The following ECD variants were observed in gnomAD, a reference collection of about 807,000 sequenced individuals.
ECD encodes ecdysoneless cell cycle regulator, also known as protein ecdysoneless homolog.
ECD carries 59 observed loss-of-function variants against 77.2 expected under a neutral mutation model. The ratio of observed to expected loss-of-function variants is 0.76; its 90% confidence interval spans 0.62 to 0.95. The LOEUF (loss-of-function observed/expected upper bound fraction) is 0.95. Among genes scored for constraint, ECD ranks in the 40% least tolerant of loss-of-function variants. The pLI is 0.00. For missense variants in ECD, 704 were observed against 763.4 expected (o/e 0.92, Z 0.92); for synonymous variants, 233 against 267.4 (o/e 0.87, Z 1.26).
intron 3 of ECD, among the ~76,000 whole-genome samples, chr10:73,157,860 T>C (rs1030309309): frequency 1.3e-5 from 2 of 152,130 alleles, no homozygotes; most frequent in African/African-American, 4.8e-5. Flanking sequence ...TAGAAATATA[T>C]ACTTGTATTT....
rs1451060729 is a variant in ECD, at chr10:73,134,760, C to G, written c.1758G>C (p.Thr586=). The change falls in exon 14 of 14, where the codon ACG becomes ACC. Residue 586 remains threonine (T), a synonymous_variant. Transcript: ENST00000372979. The part of the protein sequence containing the change: ...DNNSDEEDSG[T]GESVMAPVDV... ...CTACTGGTGCCATAACAGATTCTCC[C>G]GTACCAGAATCTTCCTCATCTGAAT... 2.5e-6 allele frequency: 4 copies of G among 1,613,984 alleles called. No homozygotes were observed. The South Asian group carries it at 4.4e-5, about 18-fold the overall frequency.
intron 9 of ECD, among the ~76,000 whole-genome samples, chr10:73,144,967 C>T (rs1843104601): frequency 1.3e-5 from 2 of 152,084 alleles, no homozygotes; most frequent in East Asian, 3.8e-4. Flanking sequence ...CTTAATTACC[C>T]TGATTTGATC....
chr10:73,154,717 G>C (rs1045395946), intron 5 of ECD, among the ~76,000 whole-genome samples: 1 of 151,988 alleles, frequency 6.6e-6, no homozygotes, highest in Non-Finnish European at 1.5e-5. Context: ...GGTGGATCAC[G>C]AGGTCAGGAG....
intron 3 of ECD, among the ~76,000 whole-genome samples, chr10:73,158,383 T>C (rs1259330634): frequency 1.3e-5 from 2 of 152,152 alleles, no homozygotes; most frequent in Non-Finnish European, 2.9e-5. Context: ...TCCTACAATA[T>C]ATATGTATTT....
rs373337057 is a variant in ECD, at chr10:73,154,463, A to G, written c.591-15T>C. Reference sequence around the variant, plus strand: ...TTTCTGGGTACCTGGGACAGGTAACATAATTACTTTCATTTTACAGTATAT... The same window carrying G: ...TTTCTGGGTACCTGGGACAGGTAACGTAATTACTTTCATTTTACAGTATAT... On this transcript the variant is annotated splice_polypyrimidine_tract_variant and intron_variant, in intron 5 of 13. Transcript: ENST00000372979. 7 of 1,590,832 alleles carry G rather than the reference A, an allele frequency of 4.4e-6. No homozygotes were observed. The highest frequency in any genetic ancestry group is 1.4e-5 in the African/African-American group (1 of 73,890).
chr10:73,159,138 A>G (rs1843341462), intron 3 of ECD, among the ~76,000 whole-genome samples: 1 of 152,146 alleles, frequency 6.6e-6, no homozygotes. Context: ...TCTCCCTTCT[A>G]TTTTGTTCTG....
At chr10:73,139,842 G>T in intron 9 of ECD, 105 bp from the exon 10 acceptor site, 1 of 724,984 alleles carries the variant, frequency 1.4e-6, no homozygotes, top group Admixed American at 3.2e-5. Flanking sequence ...AGTCTAATTT[G>T]GGGAGTGTTT....
chr10:73,168,071 T>C (rs1843522969), upstream of ECD: 4 of 516,234 alleles, frequency 7.7e-6, no homozygotes, highest in Non-Finnish European at 1.4e-5. Flanking sequence ...GTGTCGTCAC[T>C]GCTGTGCGTC....
At chr10:73,151,689 T>C (rs1197233389) in intron 7 of ECD, among the ~76,000 whole-genome samples, 1 of 152,294 alleles carries the variant, frequency 6.6e-6, no homozygotes, top group African/African-American at 2.4e-5. Context: ...AAATTAAAGG[T>C]CACCTGTATT....
At position 73,134,317 on chromosome 10, in the gene ECD, G is replaced by A. The variant is rs1842953367; in HGVS notation, c.*266C>T. ...CCAAGGGTATATTGTGGTAGGGTATGTCTTTAGCATGAAGTGTGTGAATTT... is the reference window on the plus strand; with the variant it reads ...CCAAGGGTATATTGTGGTAGGGTATATCTTTAGCATGAAGTGTGTGAATTT... On this transcript the variant is annotated 3_prime_UTR_variant, in exon 14 of 14. Transcript: ENST00000372979. 2.5e-6 allele frequency: 1 copy of A among 401,890 alleles called. No homozygotes were observed. Among genetic ancestry groups the A allele is most frequent in the Non-Finnish European group, 4.5e-6 (1 of 222,284 alleles). 24.9% of individuals were successfully genotyped at this position (401,890 alleles called of 1,614,324 possible). A position where few individuals can be genotyped will look rare whatever the true frequency, so the allele number is the denominator to read the frequency against.
chr10:73,167,979 T>C lies in ECD; in HGVS notation c.-127A>G, dbSNP rs952794807. 6 of 277,562 alleles carry C rather than the reference T, an allele frequency of 2.2e-5. No individual in the cohort carries two copies. The highest frequency in any genetic ancestry group is 2.7e-5 in the Non-Finnish European group (4 of 147,260). The allele number at this position is 277,562 out of a possible 1,614,324, so 17.2% of individuals were successfully genotyped here. A position where few individuals can be genotyped will look rare whatever the true frequency, so the allele number is the denominator to read the frequency against. ...GGCCGCCGAAGCCTGGATCAGGCTC[T>C]GTCCCGACGCCTGACCGGAACCTGA... On this transcript the variant is annotated 5_prime_UTR_variant, in exon 1 of 14. Transcript: ENST00000372979.
chr10:73,146,349 C>T lies in ECD; in HGVS notation c.1054G>A (p.Gly352Ser). ...KNDYFKGLIE[G>S]SAQYRERLEM... ...AGCCTTTCCCGGTACTGAGCAGAAC[C>T]TTCTATCAGTCCCTTAAAAAAAAAA... Residue 352 changes from glycine (G) to serine (S), a missense_variant, in exon 9 of 14, where the codon GGT becomes AGT. Physicochemically the swap from Gly to Ser is moderately conservative, Grantham distance 56. Coordinates refer to ENST00000372979, the MANE Select transcript of ECD (RefSeq NM_007265.3). The T allele has an allele frequency of 6.2e-7, 1 of 1,602,842 alleles. No individual in the cohort carries two copies. Among genetic ancestry groups the T allele is most frequent in the Non-Finnish European group, 8.5e-7 (1 of 1,173,800 alleles).
At chr10:73,146,096 C>T (rs1397019437) in intron 9 of ECD, among the ~76,000 whole-genome samples, 180 bp downstream of exon 9, 5 of 150,514 alleles carry the variant, frequency 3.3e-5, no homozygotes, top group African/African-American at 9.7e-5. Context: ...CTCTGTCATC[C>T]AGGCTGGAGT....
chr10:73,156,763 G>T, intron 3 of ECD, 108 bp from the exon 4 acceptor site: 2 of 1,063,614 alleles, frequency 1.9e-6, no homozygotes, highest in Non-Finnish European at 1.4e-6. Context: ...AAATATTTGA[G>T]TATGTACTAT....
At chr10:73,148,835 AT>A (rs1248805390) in intron 7 of ECD, among the ~76,000 whole-genome samples, 2 of 152,218 alleles carry the variant, frequency 1.3e-5, no homozygotes, top group Non-Finnish European at 2.9e-5. Context: ...ATTAAAAAAA[AT>A]AATAGATGCA....
At chr10:73,139,954 C>A (rs549081633) in intron 9 of ECD, among the ~76,000 whole-genome samples, 13 of 151,094 alleles carry the variant, frequency 8.6e-5, no homozygotes, top group Non-Finnish European at 1.6e-4. Context: ...AAGTAGCCAG[C>A]ACTACAAGTA....
At chr10:73,163,977 C>A in intron 1 of ECD, 27 bp from the exon 2 acceptor site, 1 of 1,584,416 alleles carries the variant, frequency 6.3e-7, no homozygotes, top group Non-Finnish European at 8.7e-7. Context: ...AAAATATAAA[C>A]CACATAGAAC....
At chr10:73,149,799 A>T (rs1481658047) in intron 7 of ECD, among the ~76,000 whole-genome samples, 1 of 152,204 alleles carries the variant, frequency 6.6e-6, no homozygotes, top group Admixed American at 6.5e-5. Context: ...CAATCAATTT[A>T]TATTCCTATC....
At chr10:73,138,921 T>C (rs866307985) in intron 11 of ECD, among the ~76,000 whole-genome samples, 4 of 151,790 alleles carry the variant, frequency 2.6e-5, no homozygotes, top group Non-Finnish European at 4.4e-5. Flanking sequence ...TGTAGTTTCA[T>C]ATTTCTGTTA....
Sources: gnomAD v4.1 joint callset for allele counts (sites outside exome capture counted in the v4.1 genomes callset) on GRCh38, gnomAD v4.1.1 for gene constraint, MANE v1.5 for transcripts, NCBI Gene and HGNC (gene_info 2026-07-23, HGNC 2026-07-21) for gene names.